XPNPEP1: variants seen among roughly 807,000 people sequenced by gnomAD.
The protein encoded by XPNPEP1 is xaa-Pro aminopeptidase 1.
In XPNPEP1, 39 loss-of-function variants were observed where a neutral mutation model predicts 92.4. That is an observed-to-expected ratio of 0.42 (90% CI 0.33 to 0.55). The LOEUF (loss-of-function observed/expected upper bound fraction) is 0.55, where lower values mean the gene tolerates loss of function less well. Ranked by LOEUF, XPNPEP1 falls within the 20% of genes least tolerant of loss-of-function variation. XPNPEP1 has a pLI of 0.08. For missense variants in XPNPEP1, 654 were observed against 856.1 expected (o/e 0.76, Z 2.95); for synonymous variants, 307 against 299.4 (o/e 1.03, Z -0.26).
chr10:109,871,874 C>A lies in XPNPEP1; in HGVS notation c.1453-13G>T, dbSNP rs971940567. 8 of 1,612,834 alleles carry A rather than the reference C, an allele frequency of 5.0e-6. No individual in the cohort carries two copies. The African/African-American group carries it at 9.4e-5, about 19-fold the overall frequency. On this transcript the variant is annotated splice_polypyrimidine_tract_variant and intron_variant, in intron 16 of 20. Transcript: ENST00000502935. Reference sequence around the variant, plus strand: ...ATGTGAAGCATTCCTGCAAAGAAAACCCAGGGGCATGTTGCAGAATGGGGA... The same window carrying A: ...ATGTGAAGCATTCCTGCAAAGAAAAACCAGGGGCATGTTGCAGAATGGGGA...
intron 14 of XPNPEP1, chr10:109,877,562 C>CAG (rs1363740871): frequency 8.7e-6 from 5 of 574,658 alleles, no homozygotes. Flanking sequence ...GACTACCCTG[C>CAG]AGAGAATGCC....
intron 15 of XPNPEP1, chr10:109,873,709 C>A: frequency 2.3e-6 from 1 of 434,506 alleles, no homozygotes; most frequent in South Asian, 3.3e-5. Flanking sequence ...TTCATAATAG[C>A]CAGAAGATGG....
In XPNPEP1 at chr10:109,875,593, G is replaced by C. The variant is rs1309985518; in HGVS notation, c.1326C>G (p.Val442=). 6.2e-7 allele frequency: 1 copy of C among 1,613,872 alleles called. No homozygotes were observed. The highest frequency in any genetic ancestry group is 8.5e-7 in the Non-Finnish European group (1 of 1,179,892). ...GGGACAAGGTCCTATTCGTCTCAGG[G>C]ACTGGCCTAACAAAGTTAATTAAAA... ...PNGAIIHYAP[V]PETNRTLSLD... The change falls in exon 15 of 21, where the codon GTC becomes GTG. Residue 442 remains valine, a synonymous_variant. Coordinates refer to ENST00000502935, the MANE Select transcript of XPNPEP1 (RefSeq NM_020383.4).
intron 9 of XPNPEP1, 124 bp downstream of exon 9, chr10:109,883,943 G>A (rs1041068099): frequency 1.5e-5 from 12 of 798,886 alleles, no homozygotes; most frequent in Non-Finnish European, 1.9e-5. Flanking sequence ...ATGTTAAAAG[G>A]GCAAGAAAAA....
At chr10:109,904,279 C>T (rs1849438506) in intron 3 of XPNPEP1, among the ~76,000 whole-genome samples, 2 of 150,260 alleles carry the variant, frequency 1.3e-5, no homozygotes, top group African/African-American at 4.9e-5. Flanking sequence ...TGCCACCACC[C>T]CGATTCCAGC....
chr10:109,884,283 G>A (rs1848269524), intron 8 of XPNPEP1, 135 bp from the exon 9 acceptor site: 3 of 783,910 alleles, frequency 3.8e-6, no homozygotes, highest in South Asian at 1.8e-5. Context: ...AGAAAGGCTG[G>A]AAGCCTGACT....
At chr10:109,904,526 G>A (rs1225712017) in intron 3 of XPNPEP1, among the ~76,000 whole-genome samples, 1 of 152,024 alleles carries the variant, frequency 6.6e-6, no homozygotes, top group Admixed American at 6.6e-5. Context: ...GAAAAATGCT[G>A]AATACTTTAT....
intron 15 of XPNPEP1, among the ~76,000 whole-genome samples, chr10:109,873,988 G>T (rs905312793): frequency 6.6e-6 from 1 of 152,148 alleles, no homozygotes; most frequent in Non-Finnish European, 1.5e-5. Flanking sequence ...GGAAAAGGGG[G>T]TAGTGACCGC....
intron 6 of XPNPEP1, 116 bp from the exon 7 acceptor site, chr10:109,888,308 T>C: frequency 7.0e-7 from 1 of 1,430,196 alleles, no homozygotes. Flanking sequence ...GGCCCAGAGC[T>C]GGGTGTGCAG....
At chr10:109,890,132 A>G (rs1202645012) in intron 5 of XPNPEP1, among the ~76,000 whole-genome samples, 1 of 152,214 alleles carries the variant, frequency 6.6e-6, no homozygotes. Context: ...GAAACTAGGA[A>G]GGAGCCTGGA....
At chr10:109,869,268 G>A (rs1313203851) in intron 19 of XPNPEP1, among the ~76,000 whole-genome samples, 2 of 152,154 alleles carry the variant, frequency 1.3e-5, no homozygotes, top group African/African-American at 2.4e-5. Flanking sequence ...GCAGATCCCC[G>A]CAGTTAACCT....
intron 1 of XPNPEP1, 60 bp from the exon 2 acceptor site, chr10:109,915,159 CAGTT>C: frequency 3.6e-6 from 4 of 1,104,620 alleles, no homozygotes; most frequent in Non-Finnish European, 5.1e-6. Flanking sequence ...TGGCAAGGCT[CAGTT>C]AGAGGAGGCA....
chr10:109,879,419 A>C lies in XPNPEP1; in HGVS notation c.1182+769T>G, dbSNP rs552373063. Among the ~76,000 whole-genome samples, 685 of 151,712 alleles carry C rather than the reference A, an allele frequency of 4.5e-3. 5 individuals are homozygous for C. Among genetic ancestry groups the C allele is most frequent in the African/African-American group, 0.016 (642 of 41,390 alleles). ...ACCCCATCTCTACTACAACTACGAA[A>C]ATTAGCCAGGCGCAGTGGCAGGCGC... On this transcript the variant is annotated intron_variant, in intron 12 of 20. Coordinates refer to ENST00000502935, the MANE Select transcript of XPNPEP1 (RefSeq NM_020383.4).
chr10:109,880,260 T>C, intron 11 of XPNPEP1, 22 bp from the exon 12 acceptor site: 1 of 1,613,264 alleles, frequency 6.2e-7, no homozygotes, highest in Non-Finnish European at 8.5e-7. Flanking sequence ...ATGGAGACAT[T>C]TTTTAAGTTA....
At chr10:109,893,213 GTC>G in intron 3 of XPNPEP1, 138 bp from the exon 4 acceptor site, 1 of 699,754 alleles carries the variant, frequency 1.4e-6, no homozygotes, top group Non-Finnish European at 2.4e-6. Context: ...GAAGCCAACA[GTC>G]TAGCTGAAAA....
intron 7 of XPNPEP1, 108 bp downstream of exon 7, chr10:109,887,941 C>A: frequency 6.8e-7 from 1 of 1,475,752 alleles, no homozygotes; most frequent in East Asian, 2.4e-5. Context: ...GCAAAATCCT[C>A]CTGTCAGCTC....
chr10:109,910,126 C>T (rs1319263866), intron 2 of XPNPEP1, among the ~76,000 whole-genome samples: 2 of 152,220 alleles, frequency 1.3e-5, no homozygotes, highest in Admixed American at 6.5e-5. Flanking sequence ...CCTCCTTCCT[C>T]CTCTCCTCTA....
In XPNPEP1 at chr10:109,871,852, T is replaced by C; in HGVS notation, c.1462A>G (p.Thr488Ala). Residue 488 changes from threonine to alanine, a missense_variant, in exon 17 of 21, where the codon ACA becomes GCA. Physicochemically the swap from Thr to Ala is moderately conservative, Grantham distance 58. Coordinates refer to ENST00000502935, the MANE Select transcript of XPNPEP1 (RefSeq NM_020383.4). ...GCTATGTGGCCCTTGAGGACATATG[T>C]GAAGCATTCCTGCAAAGAAAACCCA... Reference protein sequence around the residue: ...TPTAYEKECFTYVLKGHIAVS... With the variant: ...TPTAYEKECFAYVLKGHIAVS... 6.2e-7 allele frequency: 1 copy of C among 1,613,982 alleles called. No homozygotes were observed. Among genetic ancestry groups the C allele is most frequent in the Non-Finnish European group, 8.5e-7 (1 of 1,179,958 alleles).
intron 7 of XPNPEP1, among the ~76,000 whole-genome samples, chr10:109,887,160 T>C (rs1172880804): frequency 1.3e-5 from 1 of 78,280 alleles, no homozygotes; most frequent in Admixed American, 1.0e-4. Context: ...CAGCAACATT[T>C]GCTCTCCCCT....
Sources: gnomAD v4.1 joint callset for allele counts (sites outside exome capture counted in the v4.1 genomes callset) on GRCh38, gnomAD v4.1.1 for gene constraint, MANE v1.5 for transcripts, NCBI Gene and HGNC (gene_info 2026-07-23, HGNC 2026-07-21) for gene names.